TENM3: variants seen among roughly 807,000 people sequenced by gnomAD.
TENM3 encodes teneurin transmembrane protein 3.
Under a neutral mutation model 255.1 loss-of-function variants are expected in TENM3, and 63 were observed. That is an observed-to-expected ratio of 0.25 (90% confidence interval 0.20 to 0.30). The LOEUF (loss-of-function observed/expected upper bound fraction) is 0.30. Among genes scored for constraint, TENM3 ranks in the 10% least tolerant of loss-of-function variants. The pLI, the probability that TENM3 is intolerant of heterozygous loss-of-function variation, is 1.00. For synonymous variants in TENM3, 1,306 were observed against 1,322.3 expected, an observed-to-expected ratio of 0.99 and a Z score of 0.27; for missense variants, 2,929 against 3,461.1, an observed-to-expected ratio of 0.85 and a Z score of 3.86.
the TENM3 span, among the ~76,000 whole-genome samples, chr4:181,972,641 A>G: frequency 6.6e-6 from 1 of 152,098 alleles, no homozygotes; most frequent in Non-Finnish European, 1.5e-5. Flanking sequence ...GACCAGAGAC[A>G]TGTGGAGACA....
the TENM3 span, among the ~76,000 whole-genome samples, chr4:182,040,810 G>T: frequency 1.3e-5 from 2 of 151,958 alleles, no homozygotes; most frequent in Middle Eastern, 3.2e-3. Context: ...ATGGTTTTTT[G>T]TTGTTGTTGT....
chr4:182,609,414 A>C (rs2152427925), intron 4 of TENM3, among the ~76,000 whole-genome samples: 1 of 152,208 alleles, frequency 6.6e-6, no homozygotes, highest in East Asian at 1.9e-4. Flanking sequence ...CTAATTTCAA[A>C]CCTGAGGTAA....
the TENM3 span, among the ~76,000 whole-genome samples, chr4:181,469,972 C>T: frequency 6.6e-6 from 1 of 151,828 alleles, no homozygotes; most frequent in Non-Finnish European, 1.5e-5. Context: ...GGTATCACTC[C>T]GGTCGACATG....
chr4:181,453,289 G>A, the TENM3 span, among the ~76,000 whole-genome samples: 2 of 152,160 alleles, frequency 1.3e-5, no homozygotes, highest in African/African-American at 4.8e-5. Flanking sequence ...GGCTTAGTGA[G>A]AATAAGTGAG....
chr4:181,506,781 A>AATAAAAGGCTCTCAATAAAAGGCTT, the TENM3 span, among the ~76,000 whole-genome samples: 1 of 152,262 alleles, frequency 6.6e-6, no homozygotes, highest in East Asian at 2.0e-4. Context: ...TAGCCTTTAC[A>AATAAAAGGCTCTCAATAAAAGGCTT]TCAATAAAAG....
At chr4:182,185,340 A>G (rs1462210753) in intron 1 of TENM3, among the ~76,000 whole-genome samples, 1 of 152,202 alleles carries the variant, frequency 6.6e-6, no homozygotes, top group Non-Finnish European at 1.5e-5. Flanking sequence ...GTTCTTTTCA[A>G]GCACTTATCA....
chr4:181,697,449 A>G, the TENM3 span, among the ~76,000 whole-genome samples: 1 of 152,140 alleles, frequency 6.6e-6, no homozygotes, highest in African/African-American at 2.4e-5. Flanking sequence ...GCTGGAGTGC[A>G]GTGGCGTGAT....
the TENM3 span, among the ~76,000 whole-genome samples, chr4:181,782,874 A>C: frequency 3.9e-5 from 6 of 152,068 alleles, no homozygotes; most frequent in African/African-American, 1.5e-4. Flanking sequence ...TCATTTCTTT[A>C]TGTACCCAGT....
chr4:181,536,849 C>T, the TENM3 span, among the ~76,000 whole-genome samples: 2 of 152,040 alleles, frequency 1.3e-5, no homozygotes, highest in Admixed American at 6.6e-5. Context: ...GCAGTGTTTC[C>T]TGAAAGTGTA....
the TENM3 span, among the ~76,000 whole-genome samples, chr4:181,540,758 T>G: frequency 6.6e-6 from 1 of 152,050 alleles, no homozygotes; most frequent in Admixed American, 6.6e-5. Flanking sequence ...AGACTCAAAC[T>G]GTCACAGGCA....
At chr4:181,519,769 G>T in the TENM3 span, among the ~76,000 whole-genome samples, 2 of 152,174 alleles carry the variant, frequency 1.3e-5, no homozygotes, top group Admixed American at 1.3e-4. Flanking sequence ...TGGGGGCTGG[G>T]TGGAGGAATG....
the TENM3 span, among the ~76,000 whole-genome samples, chr4:181,793,110 G>A: frequency 2.0e-5 from 3 of 152,174 alleles, no homozygotes; most frequent in African/African-American, 7.2e-5. Flanking sequence ...GAGATGTTCT[G>A]CTCTCCTTGC....
intron 4 of TENM3, 48 bp from the exon 5 acceptor site, chr4:182,628,603 G>A (rs2152469549): frequency 2.4e-6 from 3 of 1,256,616 alleles, no homozygotes; most frequent in Middle Eastern, 3.7e-4. Flanking sequence ...CTTGTCTCTT[G>A]TATCGTAACA....
At chr4:182,554,608 A>G (rs1417754149) in intron 3 of TENM3, among the ~76,000 whole-genome samples, 1 of 152,112 alleles carries the variant, frequency 6.6e-6, no homozygotes, top group African/African-American at 2.4e-5. Flanking sequence ...CATAGTCTTG[A>G]GGCTTTCTTA....
chr4:182,770,973 C>T (rs897820706), intron 22 of TENM3, among the ~76,000 whole-genome samples: 6 of 152,150 alleles, frequency 3.9e-5, no homozygotes, highest in Middle Eastern at 3.2e-3. Flanking sequence ...TAAGCTGGGC[C>T]GCTAGGATCC....
the TENM3 span, among the ~76,000 whole-genome samples, chr4:181,628,483 C>T: frequency 6.6e-6 from 1 of 152,074 alleles, no homozygotes; most frequent in Non-Finnish European, 1.5e-5. Context: ...CATTTAAGTC[C>T]TTAATCCATC....
intron 5 of TENM3, among the ~76,000 whole-genome samples, chr4:182,638,238 A>G (rs537024889): frequency 3.3e-5 from 5 of 152,318 alleles, no homozygotes; most frequent in Non-Finnish European, 1.5e-5. Flanking sequence ...TTTTATTTAT[A>G]AAGAATTTTC....
intron 2 of TENM3, among the ~76,000 whole-genome samples, chr4:182,346,114 A>T (rs1764788032): frequency 6.8e-6 from 1 of 147,478 alleles, no homozygotes; most frequent in Non-Finnish European, 1.5e-5. Flanking sequence ...CATACAAAAT[A>T]CTACGTGTTA....
intron 3 of TENM3, among the ~76,000 whole-genome samples, chr4:182,361,035 T>C (rs751266678): frequency 9.2e-5 from 14 of 152,256 alleles, no homozygotes; most frequent in Non-Finnish European, 1.9e-4. Context: ...TCTTTAAGAA[T>C]GTTTAATATT....
Sources: allele counts gnomAD v4.1 joint callset (sites outside exome capture counted in the v4.1 genomes callset), GRCh38; gene constraint gnomAD v4.1.1; transcripts MANE v1.5; gene names NCBI Gene and HGNC (gene_info 2026-07-23, HGNC 2026-07-21).